Variants in STPG2 observed in about 807,000 individuals in gnomAD.
The protein encoded by STPG2 is sperm-tail PG-rich repeat-containing protein 2.
In STPG2, 56 loss-of-function variants were observed where a neutral mutation model predicts 54.2. That is an observed-to-expected ratio of 1.03 (90% CI 0.83 to 1.29). The LOEUF (loss-of-function observed/expected upper bound fraction) is 1.29, where lower values mean the gene tolerates loss of function less well. STPG2 is among the 50% of genes most tolerant of loss of function. STPG2 has a pLI of 0.00. For missense variants in STPG2, 596 were observed against 544.9 expected (o/e 1.09, Z -0.93); for synonymous variants, 200 against 181.8 (o/e 1.10, Z -0.81).
At chr4:97,566,533 C>T (rs1262155994) in intron 10 of STPG2, among the ~76,000 whole-genome samples, 2 of 152,198 alleles carry the variant, frequency 1.3e-5, no homozygotes, top group African/African-American at 4.8e-5. Context: ...CTGCGTCGCT[C>T]ACGCTGGGAG....
chr4:97,901,741 G>A (rs1476056739), intron 8 of STPG2, among the ~76,000 whole-genome samples: 1 of 151,590 alleles, frequency 6.6e-6, no homozygotes, highest in Non-Finnish European at 1.5e-5. Context: ...AAACATTACT[G>A]AAAGTAATAT....
chr4:98,019,075 A>C (rs1736078635), intron 5 of STPG2, among the ~76,000 whole-genome samples: 1 of 152,034 alleles, frequency 6.6e-6, no homozygotes, highest in Non-Finnish European at 1.5e-5. Context: ...TTGGTGTTTT[A>C]GACATGAAGT....
intron 9 of STPG2, among the ~76,000 whole-genome samples, chr4:97,720,416 G>C (rs1724412702): frequency 6.6e-6 from 1 of 151,994 alleles, no homozygotes; most frequent in Non-Finnish European, 1.5e-5. Context: ...TAGCAGAGCT[G>C]TGGCTTCACT....
intron 4 of STPG2, among the ~76,000 whole-genome samples, chr4:97,484,965 A>G (rs1237971054): frequency 1.3e-5 from 2 of 151,960 alleles, no homozygotes; most frequent in South Asian, 2.1e-4. Context: ...AAATCACATG[A>G]TCATTTCACT....
intron 10 of STPG2, among the ~76,000 whole-genome samples, chr4:97,567,148 T>G (rs1732473626): frequency 6.6e-6 from 1 of 151,544 alleles, no homozygotes; most frequent in African/African-American, 2.4e-5. Context: ...TATTGCCCCA[T>G]ATCCCAAAAC....
chr4:98,026,342 G>A lies in STPG2; in HGVS notation c.613-45024C>T, dbSNP rs371166146. The A allele has an allele frequency of 1.2e-4, 61 of 503,300 alleles. 1 individual carries two copies. Among genetic ancestry groups the A allele is most frequent in the African/African-American group, 5.3e-4 (27 of 51,122 alleles). The allele number at this position is 503,300 out of a possible 1,614,324, so 31.2% of individuals were successfully genotyped here. On this transcript the variant is annotated intron_variant, in intron 5 of 10. Transcript: ENST00000295268. ...GACAGAAAAAAAAATGGAGTGTACC[G>A]TGTTAGTTACCGATTTATTCCTCTG...
intron 5 of STPG2, among the ~76,000 whole-genome samples, chr4:98,061,201 G>T (rs1004671961): frequency 6.6e-6 from 1 of 152,120 alleles, no homozygotes; most frequent in Non-Finnish European, 1.5e-5. Context: ...CATCTATAAG[G>T]ATGCTGTATT....
At chr4:97,463,320 G>A (rs543857307) in intron 4 of STPG2, among the ~76,000 whole-genome samples, 10 of 151,956 alleles carry the variant, frequency 6.6e-5, no homozygotes, top group African/African-American at 9.7e-5. Context: ...AATTTCGGAC[G>A]CTTTATTAGC....
At chr4:97,877,034 G>A (rs1404365538) in intron 8 of STPG2, among the ~76,000 whole-genome samples, 1 of 152,058 alleles carries the variant, frequency 6.6e-6, no homozygotes, top group Non-Finnish European at 1.5e-5. Context: ...ATACATTGTA[G>A]AAACATTGAT....
intron 8 of STPG2, among the ~76,000 whole-genome samples, chr4:97,880,315 T>C (rs1730324562): frequency 6.6e-6 from 1 of 152,160 alleles, no homozygotes; most frequent in Admixed American, 6.5e-5. Context: ...TGCATAGATA[T>C]TTAAATAATA....
intron 10 of STPG2, among the ~76,000 whole-genome samples, chr4:97,561,293 G>C (rs898425529): frequency 6.6e-6 from 1 of 151,728 alleles, no homozygotes; most frequent in African/African-American, 2.4e-5. Flanking sequence ...CTTTTTGATG[G>C]GGTTGTTTTT....
At chr4:97,676,014 T>A (rs1460576895) in intron 10 of STPG2, among the ~76,000 whole-genome samples, 4 of 146,692 alleles carry the variant, frequency 2.7e-5, no homozygotes, top group Non-Finnish European at 6.0e-5. Flanking sequence ...CTATATATAT[T>A]ACTAAATTTA....
intron 5 of STPG2, among the ~76,000 whole-genome samples, chr4:98,056,132 T>C (rs527961404): frequency 6.6e-6 from 1 of 152,196 alleles, no homozygotes; most frequent in African/African-American, 2.4e-5. Context: ...AAACAGCTAT[T>C]GCAGAGGAAG....
intron 5 of STPG2, among the ~76,000 whole-genome samples, chr4:98,013,059 C>A (rs1735808333): frequency 6.6e-6 from 1 of 152,170 alleles, no homozygotes; most frequent in Non-Finnish European, 1.5e-5. Context: ...CCAACTTTTG[C>A]CCATTCAGTA....
At chr4:97,687,350 G>C (rs1297603123) in intron 10 of STPG2, among the ~76,000 whole-genome samples, 1 of 150,158 alleles carries the variant, frequency 6.7e-6, no homozygotes, top group Non-Finnish European at 1.5e-5. Context: ...TTGAGACAGA[G>C]TCTTACTCTG....
At chr4:97,710,568 A>G (rs1161378667) in intron 10 of STPG2, among the ~76,000 whole-genome samples, 3 of 152,096 alleles carry the variant, frequency 2.0e-5, no homozygotes, top group Non-Finnish European at 4.4e-5. Context: ...TTCTAAATCA[A>G]TATCATGCAT....
chr4:97,930,121 T>C (rs1195260074), intron 8 of STPG2, among the ~76,000 whole-genome samples: 1 of 152,068 alleles, frequency 6.6e-6, no homozygotes, highest in Non-Finnish European at 1.5e-5. Context: ...ATGGTCTCAA[T>C]CTCCTGACCT....
chr4:97,847,308 T>A (rs1345593067), intron 8 of STPG2, among the ~76,000 whole-genome samples: 1 of 152,142 alleles, frequency 6.6e-6, no homozygotes, highest in Non-Finnish European at 1.5e-5. Context: ...ATCTCTAATA[T>A]TCATCATTGT....
At chr4:97,912,051 C>A (rs1731700451) in intron 8 of STPG2, among the ~76,000 whole-genome samples, 3 of 151,940 alleles carry the variant, frequency 2.0e-5, no homozygotes, top group Admixed American at 1.3e-4. Context: ...GGGACCCAGG[C>A]GATTAGGGTC....
Sources: allele counts gnomAD v4.1 joint callset (sites outside exome capture counted in the v4.1 genomes callset), GRCh38; gene constraint gnomAD v4.1.1; transcripts MANE v1.5; gene names NCBI Gene and HGNC (gene_info 2026-07-23, HGNC 2026-07-21).